RABGAP1L: variants seen among roughly 807,000 people sequenced by gnomAD.
RABGAP1L encodes RAB GTPase activating protein 1 like.
A neutral mutation model predicts 137.7 loss-of-function variants in RABGAP1L; 63 were observed. That is an observed-to-expected ratio of 0.46 (90% CI 0.37 to 0.56). RABGAP1L has a LOEUF of 0.56. Among genes scored for constraint, RABGAP1L ranks in the 20% least tolerant of loss-of-function variants. The pLI is 0.00. For missense variants in RABGAP1L, 1,095 were observed against 1,244.0 expected (o/e 0.88, Z 1.80); for synonymous variants, 431 against 433.7 (o/e 0.99, Z 0.08).
intron 10 of RABGAP1L, among the ~76,000 whole-genome samples, chr1:174,280,563 T>A (rs1352560396): frequency 6.6e-6 from 1 of 152,196 alleles, no homozygotes; most frequent in Non-Finnish European, 1.5e-5. Context: ...GCAACTTTCT[T>A]CTCTCAAATA....
At chr1:174,311,203 A>G (rs192753475) in intron 11 of RABGAP1L, among the ~76,000 whole-genome samples, 2 of 152,178 alleles carry the variant, frequency 1.3e-5, no homozygotes, top group Admixed American at 6.6e-5. Context: ...GAAATTTACA[A>G]TCATGGCGGA....
In RABGAP1L at chr1:174,912,127, CTTTG is replaced by C. The variant is rs10638992; in HGVS notation, c.2341-45310_2341-45307del. Among the ~76,000 whole-genome samples, 285 of 151,150 alleles carry C rather than the reference CTTTG, an allele frequency of 1.9e-3. 4 individuals carry two copies. The highest frequency in any genetic ancestry group is 3.4e-3 in the Middle Eastern group (1 of 294). ...TATAGTCTTTGATTTCATTAAATTC[CTTTG>C]TTTGTTTGTTTGTTTGTTTATTTTT... On this transcript the variant is annotated intron_variant, in intron 19 of 25. Coordinates refer to ENST00000681986, the MANE Select transcript of RABGAP1L (RefSeq NM_001366446.1).
intron 19 of RABGAP1L, among the ~76,000 whole-genome samples, chr1:174,881,448 A>G (rs2149088291): frequency 1.3e-5 from 2 of 151,242 alleles, no homozygotes. Flanking sequence ...TTCATCTGGA[A>G]AAGTTATTCT....
rs375359446 is a variant in RABGAP1L, at chr1:174,228,007, A to G, written c.332-3138A>G. Among the ~76,000 whole-genome samples, 11 of 152,114 alleles carry G rather than the reference A, an allele frequency of 7.2e-5. No homozygotes were observed. The East Asian group carries it at 9.6e-4, about 13-fold the overall frequency. On this transcript the variant is annotated intron_variant, in intron 3 of 25. Transcript: ENST00000681986. ...CTTTAACATTCCTCTTCTGCAATTT[A>G]GAAACTGCTGTTATATTCACCTGGG...
intron 14 of RABGAP1L, among the ~76,000 whole-genome samples, chr1:174,649,873 G>C (rs1234976622): frequency 1.3e-5 from 2 of 152,044 alleles, no homozygotes; most frequent in African/African-American, 4.8e-5. Context: ...ACACTATGTT[G>C]AATAGGAGTG....
intron 11 of RABGAP1L, among the ~76,000 whole-genome samples, chr1:174,342,496 T>G (rs1478035216): frequency 6.6e-5 from 10 of 152,210 alleles, no homozygotes; most frequent in Non-Finnish European, 1.5e-4. Context: ...TTAAATAAAT[T>G]AACAAAACTG....
chr1:174,979,386 G>C (rs1574065826), intron 23 of RABGAP1L, among the ~76,000 whole-genome samples: 1 of 152,076 alleles, frequency 6.6e-6, no homozygotes, highest in African/African-American at 2.4e-5. Context: ...TAACTTGGGA[G>C]GTCTAACTGA....
chr1:174,582,991 CTAAAT>C, intron 13 of RABGAP1L, among the ~76,000 whole-genome samples: 1 of 152,224 alleles, frequency 6.6e-6, no homozygotes, highest in South Asian at 2.1e-4. Flanking sequence ...ATGTAAATCT[CTAAAT>C]TAACACACAA....
chr1:174,335,346 T>G (rs1490513025), intron 11 of RABGAP1L, among the ~76,000 whole-genome samples: 1 of 152,220 alleles, frequency 6.6e-6, no homozygotes, highest in Non-Finnish European at 1.5e-5. Flanking sequence ...CTAAATTGTC[T>G]TGCCTTAGCC....
chr1:174,745,137 C>A (rs1683769268), intron 17 of RABGAP1L, among the ~76,000 whole-genome samples: 1 of 152,148 alleles, frequency 6.6e-6, no homozygotes, highest in African/African-American at 2.4e-5. Flanking sequence ...ACATATCTAC[C>A]ACTTTGGTGA....
At chr1:174,341,472 A>G (rs948138501) in intron 11 of RABGAP1L, among the ~76,000 whole-genome samples, 1 of 152,200 alleles carries the variant, frequency 6.6e-6, no homozygotes, top group Non-Finnish European at 1.5e-5. Flanking sequence ...AGAGAATATT[A>G]GAAGTAGGAG....
chr1:174,902,866 T>C (rs1658373012), intron 19 of RABGAP1L, among the ~76,000 whole-genome samples: 1 of 151,880 alleles, frequency 6.6e-6, no homozygotes, highest in African/African-American at 2.4e-5. Context: ...GATATTTCGG[T>C]GCTGAATTCA....
intron 23 of RABGAP1L, among the ~76,000 whole-genome samples, chr1:174,981,548 A>ATTTTTTTTTTT (rs1671109153): frequency 1.5e-5 from 1 of 67,362 alleles, no homozygotes; most frequent in Non-Finnish European, 2.8e-5. Context: ...CTGTTTTTCC[A>ATTTTTTTTTTT]TCTTTTTTTT....
intron 10 of RABGAP1L, among the ~76,000 whole-genome samples, chr1:174,279,834 A>T (rs1003803536): frequency 2.6e-5 from 4 of 151,912 alleles, no homozygotes; most frequent in South Asian, 2.1e-4. Flanking sequence ...CTTCTTTTTT[A>T]AAAAAATAGC....
intron 7 of RABGAP1L, among the ~76,000 whole-genome samples, chr1:174,254,561 C>G (rs1443258524): frequency 6.6e-6 from 1 of 152,130 alleles, no homozygotes; most frequent in Non-Finnish European, 1.5e-5. Flanking sequence ...TCGTTCAGCT[C>G]CCACTTATGA....
intron 11 of RABGAP1L, among the ~76,000 whole-genome samples, chr1:174,347,621 T>G (rs1325303264): frequency 2.0e-5 from 3 of 152,042 alleles, no homozygotes; most frequent in African/African-American, 7.2e-5. Context: ...GCCTCCTGAG[T>G]AGCTGGGACT....
chr1:174,605,394 T>G (rs2148187454), intron 13 of RABGAP1L, among the ~76,000 whole-genome samples: 1 of 152,316 alleles, frequency 6.6e-6, no homozygotes, highest in Middle Eastern at 3.4e-3. Flanking sequence ...AAACACCTGT[T>G]GCCATGATCT....
At chr1:174,836,064 C>A (rs1056573095) in intron 19 of RABGAP1L, among the ~76,000 whole-genome samples, 1 of 152,188 alleles carries the variant, frequency 6.6e-6, no homozygotes, top group Non-Finnish European at 1.5e-5. Flanking sequence ...TATTTTAAAT[C>A]ATTGAGATTC....
chr1:174,723,996 A>G (rs1681790646), intron 17 of RABGAP1L, among the ~76,000 whole-genome samples: 1 of 152,226 alleles, frequency 6.6e-6, no homozygotes, highest in Non-Finnish European at 1.5e-5. Context: ...AAAATTGAAC[A>G]TTAAGAATAA....
Sources: gnomAD v4.1 joint callset for allele counts (sites outside exome capture counted in the v4.1 genomes callset) on GRCh38, gnomAD v4.1.1 for gene constraint, MANE v1.5 for transcripts, NCBI Gene and HGNC (gene_info 2026-07-23, HGNC 2026-07-21) for gene names.